ZNRF1: variants seen among roughly 807,000 people sequenced by gnomAD.
The protein encoded by ZNRF1 is zinc and ring finger 1.
In ZNRF1, 3 loss-of-function variants were observed where a neutral mutation model predicts 18.4. The observed-to-expected ratio is 0.16, with a 90% CI of 0.07 to 0.42. The LOEUF is 0.42. ZNRF1 is among the 10% of genes least tolerant of loss of function. ZNRF1 has a pLI of 0.99. For missense variants in ZNRF1, 310 were observed against 329.8 expected, an observed-to-expected ratio of 0.94 and a Z score of 0.47; for synonymous variants, 157 against 144.2, an observed-to-expected ratio of 1.09 and a Z score of -0.64.
intron 1 of ZNRF1, among the ~76,000 whole-genome samples, chr16:75,091,532 CTTTT>C (rs577306133): frequency 1.5e-5 from 2 of 129,122 alleles, no homozygotes; most frequent in African/African-American, 2.8e-5. Flanking sequence ...CTGCATATAA[CTTTT>C]TTTTTTTTTT....
At chr16:75,101,544 CA>C (rs141541765) in intron 2 of ZNRF1, among the ~76,000 whole-genome samples, 17 of 146,294 alleles carry the variant, frequency 1.2e-4, no homozygotes, top group Admixed American at 2.0e-4. Flanking sequence ...GACTCCATGT[CA>C]AAAAAAAAAG....
At chr16:75,048,835 A>G (rs1415445696) in intron 1 of ZNRF1, among the ~76,000 whole-genome samples, 2 of 152,194 alleles carry the variant, frequency 1.3e-5, no homozygotes, top group Non-Finnish European at 2.9e-5. Flanking sequence ...GTTTCCCAGT[A>G]ACCTTTGACC....
At chr16:75,072,862 A>G (rs2035886444) in intron 1 of ZNRF1, among the ~76,000 whole-genome samples, 1 of 152,206 alleles carries the variant, frequency 6.6e-6, no homozygotes, top group African/African-American at 2.4e-5. Flanking sequence ...AGGCATTACA[A>G]TGAAGGCCTC....
chr16:75,083,577 GTAT>G (rs1262634566), intron 1 of ZNRF1, among the ~76,000 whole-genome samples: 1 of 152,206 alleles, frequency 6.6e-6, no homozygotes, highest in African/African-American at 2.4e-5. Flanking sequence ...GCTAGGCACA[GTAT>G]TATTAGATTA....
At chr16:75,029,094 A>G (rs1426209089) in intron 1 of ZNRF1, among the ~76,000 whole-genome samples, 1 of 128,986 alleles carries the variant, frequency 7.8e-6, no homozygotes, top group East Asian at 2.2e-4. Context: ...TTTTTTTGCT[A>G]CAACTCCAGC....
intron 1 of ZNRF1, among the ~76,000 whole-genome samples, chr16:75,023,341 A>G (rs1403309495): frequency 6.6e-6 from 1 of 152,122 alleles, no homozygotes; most frequent in Non-Finnish European, 1.5e-5. Flanking sequence ...CCTTCTTTAA[A>G]TAAAGCATCA....
Position 74,999,551 on chromosome 16 carries a change from C to T in ZNRF1, c.-121C>T, listed in dbSNP as rs904531986. ...TTCCTTTTGCTTTTTTTCCTTTTCT[C>T]CCTCCGGGTCTCCTTTTTGACTCCC... On this transcript the variant is annotated 5_prime_UTR_variant, in exon 1 of 5. Transcript: ENST00000335325. 1 of 705,680 alleles carries T rather than the reference C, an allele frequency of 1.4e-6. No individual in the cohort carries two copies. The highest frequency in any genetic ancestry group is 2.0e-6 in the Non-Finnish European group (1 of 501,722). The allele number at this position is 705,680 out of a possible 1,614,324, so 43.7% of individuals were successfully genotyped here.
At chr16:75,002,876 C>T (rs148478755) in intron 1 of ZNRF1, among the ~76,000 whole-genome samples, 1 of 152,226 alleles carries the variant, frequency 6.6e-6, no homozygotes, top group Non-Finnish European at 1.5e-5. Flanking sequence ...ATTTCTCTTT[C>T]TGATCCCTTA....
intron 2 of ZNRF1, 129 bp downstream of exon 2, chr16:75,093,796 C>G (rs1294984609): frequency 3.0e-6 from 2 of 673,336 alleles, no homozygotes; most frequent in Non-Finnish European, 5.3e-6. Flanking sequence ...AGGTGTGCCT[C>G]AGTGGTGGTG....
intron 1 of ZNRF1, among the ~76,000 whole-genome samples, chr16:75,015,364 G>A (rs567539929): frequency 6.6e-6 from 1 of 152,130 alleles, no homozygotes; most frequent in Non-Finnish European, 1.5e-5. Context: ...TTGGGAGGCC[G>A]AGGCGGTTCG....
intron 1 of ZNRF1, among the ~76,000 whole-genome samples, chr16:75,086,073 C>G (rs1260947670): frequency 1.3e-5 from 2 of 152,050 alleles, no homozygotes; most frequent in African/African-American, 4.8e-5. Flanking sequence ...AATTTCTCCT[C>G]TTTGCCTTTT....
At chr16:75,016,505 G>A (rs931472313) in intron 1 of ZNRF1, among the ~76,000 whole-genome samples, 1 of 151,806 alleles carries the variant, frequency 6.6e-6, no homozygotes, top group African/African-American at 2.4e-5. Context: ...CTTCCAAAGT[G>A]CTGGGATTAC....
chr16:75,060,773 C>T (rs763676337), intron 1 of ZNRF1, among the ~76,000 whole-genome samples: 8 of 152,232 alleles, frequency 5.3e-5, no homozygotes, highest in African/African-American at 9.6e-5. Flanking sequence ...CCACCGCGCC[C>T]GGCCAGAAAC....
At chr16:75,089,570 C>G (rs1242021925) in intron 1 of ZNRF1, among the ~76,000 whole-genome samples, 1 of 152,166 alleles carries the variant, frequency 6.6e-6, no homozygotes, top group Non-Finnish European at 1.5e-5. Flanking sequence ...TTCTTAAAAC[C>G]CTATGGCCAA....
intron 1 of ZNRF1, among the ~76,000 whole-genome samples, chr16:75,065,529 G>C (rs570269841): frequency 1.3e-5 from 2 of 152,322 alleles, no homozygotes; most frequent in African/African-American, 4.8e-5. Context: ...AATTATAAAA[G>C]TAATTTGAGT....
At chr16:75,102,611 C>T (rs1323324943) in intron 2 of ZNRF1, among the ~76,000 whole-genome samples, 4 of 152,164 alleles carry the variant, frequency 2.6e-5, no homozygotes, top group African/African-American at 9.7e-5. Context: ...ATATTCATGT[C>T]GGCCTGGGTT....
chr16:75,017,566 A>G (rs1237093551), intron 1 of ZNRF1, among the ~76,000 whole-genome samples: 1 of 152,208 alleles, frequency 6.6e-6, no homozygotes, highest in Non-Finnish European at 1.5e-5. Context: ...CAAGTTTAAG[A>G]AATCTATATT....
At chr16:75,096,977 A>G (rs2036207386) in intron 2 of ZNRF1, among the ~76,000 whole-genome samples, 1 of 152,132 alleles carries the variant, frequency 6.6e-6, no homozygotes, top group South Asian at 2.1e-4. Context: ...GGGGCAGGGA[A>G]GGGCGGTTGA....
At chr16:75,078,081 A>C (rs951245276) in intron 1 of ZNRF1, among the ~76,000 whole-genome samples, 1 of 152,122 alleles carries the variant, frequency 6.6e-6, no homozygotes, top group East Asian at 1.9e-4. Flanking sequence ...GGTTGCACAC[A>C]TGTTCCCATG....
Sources: allele counts gnomAD v4.1 joint callset (sites outside exome capture counted in the v4.1 genomes callset), GRCh38; gene constraint gnomAD v4.1.1; transcripts MANE v1.5; gene names NCBI Gene and HGNC (gene_info 2026-07-23, HGNC 2026-07-21).